TAS2R1: variants seen among roughly 807,000 people sequenced by gnomAD.
The protein encoded by TAS2R1 is taste 2 receptor member 1.
For synonymous variants in TAS2R1, 141 were observed against 134.2 expected (o/e 1.05, Z -0.35); for missense variants, 370 against 353.4 (o/e 1.05, Z -0.38).
At chr5:9,853,657 A>G in the TAS2R1 span, among the ~76,000 whole-genome samples, 2 of 152,172 alleles carry the variant, frequency 1.3e-5, no homozygotes, top group African/African-American at 4.8e-5. Flanking sequence ...CCCTGAATAC[A>G]CAAGAAACCC....
the TAS2R1 span, among the ~76,000 whole-genome samples, chr5:9,795,382 G>A: frequency 4.8e-3 from 726 of 152,178 alleles, 3 homozygotes; most frequent in African/African-American, 0.016. Context: ...AAAAGCTCTT[G>A]AACACAAAAA....
At chr5:9,851,158 A>C in the TAS2R1 span, among the ~76,000 whole-genome samples, 1 of 152,206 alleles carries the variant, frequency 6.6e-6, no homozygotes, top group Non-Finnish European at 1.5e-5. Context: ...TAAGAGTAAA[A>C]GTTTAATAAA....
At chr5:9,698,324 G>A (rs914180506) in intron 1 of TAS2R1, among the ~76,000 whole-genome samples, 2 of 152,214 alleles carry the variant, frequency 1.3e-5, no homozygotes, top group Admixed American at 6.5e-5. Flanking sequence ...TGTACAAATG[G>A]CTTAGGTATT....
intron 1 of TAS2R1, among the ~76,000 whole-genome samples, chr5:9,682,501 G>C (rs1043249924): frequency 2.6e-5 from 4 of 152,146 alleles, no homozygotes; most frequent in African/African-American, 9.7e-5. Context: ...CTCACAGTCA[G>C]CCCGTCACCC....
upstream of TAS2R1, among the ~76,000 whole-genome samples, chr5:9,716,943 C>T (rs1734825207): frequency 6.6e-6 from 1 of 152,170 alleles, no homozygotes; most frequent in South Asian, 2.1e-4. Flanking sequence ...ATGCCTTCAG[C>T]ATGACCAGAC....
In TAS2R1 at chr5:9,629,985, T is replaced by C. The variant is rs1482740328; in HGVS notation, c.48A>G (p.Gln16=). ...CATTTGTGAAAATCCCAAGAAGAAA[T>C]TGTATCACTGCAAGAAGAAAATAGA... ...LIIYFLLAVI[Q]FLLGIFTNGI... The change falls in exon 1 of 1, where the codon CAA becomes CAG. Residue 16 remains glutamine, a synonymous_variant. Transcript: ENST00000382492. The C allele has an allele frequency of 1.3e-6, 2 of 1,597,946 alleles. No homozygotes were observed. Among genetic ancestry groups the C allele is most frequent in the African/African-American group, 1.4e-5 (1 of 73,640 alleles).
chr5:9,637,900 A>G (rs1167969212), intron 2 of TAS2R1, among the ~76,000 whole-genome samples: 4 of 152,126 alleles, frequency 2.6e-5, no homozygotes, highest in African/African-American at 4.8e-5. Flanking sequence ...TGAATAATCA[A>G]TCTTCTGAAT....
the TAS2R1 span, among the ~76,000 whole-genome samples, chr5:9,806,208 C>T: frequency 6.6e-6 from 1 of 151,926 alleles, no homozygotes; most frequent in African/African-American, 2.4e-5. Context: ...AGGTAAAAGA[C>T]CTCTACAAGG....
chr5:9,804,219 AC>A, the TAS2R1 span, among the ~76,000 whole-genome samples: 3 of 152,024 alleles, frequency 2.0e-5, no homozygotes, highest in African/African-American at 7.3e-5. Context: ...TGCACCTAAC[AC>A]TGGAGCTCCC....
intron 1 of TAS2R1, among the ~76,000 whole-genome samples, chr5:9,690,051 A>G (rs932652200): frequency 6.6e-6 from 1 of 152,214 alleles, no homozygotes; most frequent in African/African-American, 2.4e-5. Flanking sequence ...AAACTATACA[A>G]CCAAAACTGT....
intron 2 of TAS2R1, among the ~76,000 whole-genome samples, chr5:9,644,497 A>T (rs1046981498): frequency 6.6e-6 from 1 of 152,096 alleles, no homozygotes; most frequent in Non-Finnish European, 1.5e-5. Context: ...CCATTTTTCA[A>T]GAAGGAGAAG....
the TAS2R1 span, among the ~76,000 whole-genome samples, chr5:9,819,033 A>G: frequency 3.3e-5 from 5 of 152,240 alleles, no homozygotes; most frequent in African/African-American, 1.2e-4. Context: ...AAACATCCCA[A>G]GTAAACTGAA....
intron 2 of TAS2R1, among the ~76,000 whole-genome samples, chr5:9,650,399 A>C (rs996467862): frequency 1.3e-5 from 2 of 152,016 alleles, no homozygotes; most frequent in East Asian, 3.9e-4. Context: ...TGCATTTTCT[A>C]TACACTCCCG....
upstream of TAS2R1, chr5:9,713,209 G>A (rs370352046): frequency 4.6e-5 from 7 of 152,246 alleles, no homozygotes; most frequent in South Asian, 2.1e-4. Context: ...AAGAGGAACC[G>A]TGTCTTATTC....
At chr5:9,772,612 A>G in the TAS2R1 span, among the ~76,000 whole-genome samples, 5 of 152,212 alleles carry the variant, frequency 3.3e-5, no homozygotes, top group Admixed American at 6.5e-5. Flanking sequence ...GTCTCCAGCT[A>G]TGATTGTATT....
chr5:9,812,619 C>T, the TAS2R1 span, among the ~76,000 whole-genome samples: 4 of 152,144 alleles, frequency 2.6e-5, no homozygotes, highest in African/African-American at 4.8e-5. Context: ...ACCTGCTGCT[C>T]AGTCACCACT....
At chr5:9,671,153 G>A (rs1433417124) in intron 1 of TAS2R1, among the ~76,000 whole-genome samples, 3 of 152,080 alleles carry the variant, frequency 2.0e-5, no homozygotes, top group East Asian at 1.9e-4. Flanking sequence ...AAAATAATAA[G>A]AGCCATTTAT....
rs368881612 is a variant in TAS2R1 at position 9,668,726 on chromosome 5, C to T, written c.-241-9145G>A. On this transcript the variant is annotated intron_variant, in intron 1 of 2. Coordinates refer to the TAS2R1 transcript ENST00000506620. Reference sequence around the variant, plus strand: ...ATGGAAATGTTATGGGAATTTGTTACCACTAGACCTGCCTTACTAGAGGTC... The same window carrying T: ...ATGGAAATGTTATGGGAATTTGTTATCACTAGACCTGCCTTACTAGAGGTC... Among the ~76,000 whole-genome samples, 52 of 152,202 alleles carry T rather than the reference C, an allele frequency of 3.4e-4. 1 individual carries two copies. The East Asian group carries it at 8.9e-3, about 26-fold the overall frequency.
chr5:9,843,912 T>C, the TAS2R1 span, among the ~76,000 whole-genome samples: 1 of 152,236 alleles, frequency 6.6e-6, no homozygotes, highest in Non-Finnish European at 1.5e-5. Context: ...CTAGAGCCTT[T>C]TGTTGGCTGT....
Sources: allele counts gnomAD v4.1 joint callset (sites outside exome capture counted in the v4.1 genomes callset), GRCh38; gene constraint gnomAD v4.1.1; transcripts MANE v1.5; gene names NCBI Gene and HGNC (gene_info 2026-07-23, HGNC 2026-07-21).